Variants in NFATC1 observed in about 807,000 individuals in gnomAD.
NFATC1 encodes nuclear factor of activated T cells 1.
A neutral mutation model predicts 76.0 loss-of-function variants in NFATC1; 22 were observed. That is an observed-to-expected ratio of 0.29 (90% confidence interval 0.21 to 0.41). The LOEUF is 0.41. NFATC1 is among the 10% of genes least tolerant of loss of function. NFATC1 has a pLI of 1.00. For missense variants in NFATC1, 1,357 were observed against 1,337.7 expected (o/e 1.01, Z -0.23); for synonymous variants, 704 against 613.1 (o/e 1.15, Z -2.19).
rs1171206565 is a variant in NFATC1, at chr18:79,498,065, A to AT, written c.2782+11129dup. 158 of 21,314 alleles carry AT rather than the reference A, an allele frequency of 7.4e-3. 1 individual carries two copies. Among genetic ancestry groups the AT allele is most frequent in the Admixed American group, 0.048 (91 of 1,884 alleles). The allele number at this position is 21,314 out of a possible 1,614,324, so 1.3% of individuals were successfully genotyped here. ...AACAACAAGTCCTATTTGGAGGGGGATGGGGGGGGGGGAATCTCATTTCAG... is the reference window on the plus strand; with the variant it reads ...AACAACAAGTCCTATTTGGAGGGGGATTGGGGGGGGGGGAATCTCATTTCAG... On this transcript the variant is annotated intron_variant, in intron 9 of 9. Coordinates refer to ENST00000427363, the MANE Select transcript of NFATC1 (RefSeq NM_001278669.2).
chr18:79,410,508 G>A lies in NFATC1; in HGVS notation c.233G>A (p.Gly78Asp), dbSNP rs745654274. The A allele has an allele frequency of 6.2e-7, 1 of 1,611,808 alleles. No homozygotes were observed. Among genetic ancestry groups the A allele is most frequent in the South Asian group, 1.1e-5 (1 of 91,072 alleles). The change falls in exon 2 of 10, where the codon GGC becomes GAC. Residue 78 changes from glycine (G) to aspartate (D), a missense_variant. By Grantham distance (94) the Gly-to-Asp change is moderately conservative. Transcript: ENST00000427363. The surrounding 1 kb of genome is among the most constrained non-coding windows in gnomAD (Gnocchi z 6.7). ...PCHNLQTSTP[G>D]IIPPADHPSG... ...CACAACCTTCAGACCTCCACACCGG[G>A]CATCATCCCGCCGGCGGATCACCCC...
At chr18:79,511,494 C>T (rs1382165304) in intron 9 of NFATC1, among the ~76,000 whole-genome samples, 2 of 152,184 alleles carry the variant, frequency 1.3e-5, no homozygotes, top group Admixed American at 6.5e-5. Flanking sequence ...CAGGGGAGGG[C>T]GGCACAGGTA....
At chr18:79,502,983 GA>G (rs2090045551) in intron 9 of NFATC1, among the ~76,000 whole-genome samples, 1 of 152,196 alleles carries the variant, frequency 6.6e-6, no homozygotes. Flanking sequence ...TGTATTCAAG[GA>G]AACAGATGCA....
At position 79,395,962 on chromosome 18, in the gene NFATC1, G is replaced by T. The variant is rs1450409960; in HGVS notation, c.-263G>T. 1.1e-4 allele frequency: 21 copies of T among 199,338 alleles called. No individual in the cohort carries two copies. The East Asian group carries it at 1.5e-3, about 14-fold the overall frequency. 12.3% of individuals were successfully genotyped at this position (199,338 alleles called of 1,614,324 possible). ...AGCGAGACTCAGAGGCTCCGAACTC[G>T]CCGGCGGAGTCGCCGCGCCAGATCC... On this transcript the variant is annotated 5_prime_UTR_variant, in exon 1 of 10. Coordinates refer to ENST00000427363, the MANE Select transcript of NFATC1 (RefSeq NM_001278669.2).
chr18:79,413,931 T>G (rs1403185806), intron 2 of NFATC1, among the ~76,000 whole-genome samples: 1 of 152,176 alleles, frequency 6.6e-6, no homozygotes, highest in African/African-American at 2.4e-5. Flanking sequence ...AGCGCCCAGT[T>G]AGGTGTGATG....
rs1004247966 is a variant in NFATC1 at position 79,524,681 on chromosome 18, G to T, written c.2783-2847G>T. On this transcript the variant is annotated intron_variant, in intron 9 of 9. Coordinates refer to ENST00000427363, the MANE Select transcript of NFATC1 (RefSeq NM_001278669.2). The surrounding 1 kb of genome is among the most constrained non-coding windows in gnomAD (Gnocchi z 7.2). Reference sequence around the variant, plus strand: ...CTCCCCTCCCGAGAGCTCAGCAGCCGCAGACCCAGGCAGAGAGAGCAAAGG... The same window carrying T: ...CTCCCCTCCCGAGAGCTCAGCAGCCTCAGACCCAGGCAGAGAGAGCAAAGG... Among the ~76,000 whole-genome samples, 1 of 152,044 alleles carries T rather than the reference G, an allele frequency of 6.6e-6. No homozygotes were observed. The highest frequency in any genetic ancestry group is 2.4e-5 in the African/African-American group (1 of 41,382).
At chr18:79,411,710 C>T (rs1035205100) in intron 2 of NFATC1, among the ~76,000 whole-genome samples, 2 of 152,166 alleles carry the variant, frequency 1.3e-5, no homozygotes, top group African/African-American at 4.8e-5. Flanking sequence ...TTGTGCGCCT[C>T]GCCTCTGCCT....
At position 79,410,659 on chromosome 18, in the gene NFATC1, G is replaced by A. The variant is rs2085638330; in HGVS notation, c.384G>A (p.Leu128=). The part of the protein sequence containing the change: ...PRIEITSCLG[L]YHNNNQFFHD... ...TCGAGATAACCTCGTGCTTGGGCCT[G>A]TACCACAACAATAACCAGTTTTTCC... is the stretch of plus-strand genomic sequence containing the variant. The change falls in exon 2 of 10, where the codon CTG becomes CTA. Residue 128 remains leucine, a synonymous_variant. Transcript: ENST00000427363. The surrounding 1 kb of genome is among the most constrained non-coding windows in gnomAD (Gnocchi z 6.7). 19 of 1,613,112 alleles carry A rather than the reference G, an allele frequency of 1.2e-5. No homozygotes were observed. Among genetic ancestry groups the A allele is most frequent in the Non-Finnish European group, 1.5e-5 (18 of 1,180,030 alleles).
At chr18:79,442,917 C>G (rs890791681) in intron 3 of NFATC1, among the ~76,000 whole-genome samples, 3 of 152,196 alleles carry the variant, frequency 2.0e-5, no homozygotes, top group African/African-American at 7.2e-5. Context: ...TGGAAGGGGA[C>G]ACACCAGAGC....
At chr18:79,411,552 GGGGC>G in intron 2 of NFATC1, 51 bp downstream of exon 2, 1 of 1,294,532 alleles carries the variant, frequency 7.7e-7, no homozygotes, top group African/African-American at 1.5e-5. Context: ...GGCGCGGGGC[GGGGC>G]GGAACGCGGG....
At position 79,410,632 on chromosome 18, in the gene NFATC1, C is replaced by T. The variant is rs1295695261; in HGVS notation, c.357C>T (p.Arg119=). 1 of 1,613,250 alleles carries T rather than the reference C, an allele frequency of 6.2e-7. No individual in the cohort carries two copies. The highest frequency in any genetic ancestry group is 1.1e-5 in the South Asian group (1 of 91,084). ...PDGAPALESP[R]IEITSCLGLY... is the part of the protein sequence containing the mutation. The stretch of plus-strand genomic sequence containing the variant: ...GGGCCCCTGCCCTGGAGAGTCCTCG[C>T]ATCGAGATAACCTCGTGCTTGGGCC... Residue 119 remains arginine (R), a synonymous_variant, in exon 2 of 10, where the codon CGC becomes CGT. Transcript: ENST00000427363. This position sits in a 1 kb window ranked among gnomAD's most constrained non-coding sequence, Gnocchi z 6.7.
At chr18:79,427,024 A>G (rs1254193981) in intron 2 of NFATC1, among the ~76,000 whole-genome samples, 3 of 152,220 alleles carry the variant, frequency 2.0e-5, no homozygotes, top group African/African-American at 7.2e-5. Context: ...TGCAGCAGCC[A>G]CGGCAGAAGC....
intron 9 of NFATC1, among the ~76,000 whole-genome samples, chr18:79,511,301 C>G (rs1304200346): frequency 6.6e-6 from 1 of 152,186 alleles, no homozygotes; most frequent in African/African-American, 2.4e-5. Flanking sequence ...AGGCCCGACT[C>G]TGCCTCCCCC....
At chr18:79,474,683 ACACT>A (rs768221178) in intron 8 of NFATC1, among the ~76,000 whole-genome samples, 42 of 138,144 alleles carry the variant, frequency 3.0e-4, no homozygotes, top group Admixed American at 1.2e-3. Context: ...GCGTGTTCTC[ACACT>A]CACTGTCGAC....
At chr18:79,513,097 A>G (rs1473789947) in intron 9 of NFATC1, among the ~76,000 whole-genome samples, 2 of 152,224 alleles carry the variant, frequency 1.3e-5, no homozygotes, top group Admixed American at 1.3e-4. Flanking sequence ...CTCGGCTCTC[A>G]ATAAAAAGGA....
chr18:79,507,128 G>T (rs1446406421), intron 9 of NFATC1, among the ~76,000 whole-genome samples: 1 of 152,234 alleles, frequency 6.6e-6, no homozygotes, highest in African/African-American at 2.4e-5. Context: ...GCGGGGAGGG[G>T]GTTATCAGCC....
chr18:79,511,139 CCG>C (rs971656794), intron 9 of NFATC1, among the ~76,000 whole-genome samples: 26 of 152,366 alleles, frequency 1.7e-4, no homozygotes, highest in African/African-American at 2.6e-4. Flanking sequence ...TCCTGCCGCA[CCG>C]CTCCGTGGCA....
intron 4 of NFATC1, among the ~76,000 whole-genome samples, chr18:79,449,664 G>A (rs1227845524): frequency 1.3e-5 from 2 of 152,228 alleles, no homozygotes; most frequent in Non-Finnish European, 2.9e-5. Flanking sequence ...CCAGCAGGAT[G>A]GAGCCAGGCC....
intron 2 of NFATC1, among the ~76,000 whole-genome samples, chr18:79,415,947 A>G (rs1428633276): frequency 2.0e-5 from 3 of 152,150 alleles, no homozygotes; most frequent in Non-Finnish European, 4.4e-5. Flanking sequence ...CTGTAATCCC[A>G]GCTACTCAGA....
Sources: allele counts gnomAD v4.1 joint callset (sites outside exome capture counted in the v4.1 genomes callset), GRCh38; gene constraint gnomAD v4.1.1; non-coding constraint Gnocchi (gnomAD v3.1); transcripts MANE v1.5; gene names NCBI Gene and HGNC (gene_info 2026-07-23, HGNC 2026-07-21).